Variants in NCOR2 observed in about 807,000 individuals in gnomAD.
The protein encoded by NCOR2 is CTG repeat protein 26.
A neutral mutation model predicts 262.9 loss-of-function variants in NCOR2; 81 were observed. The ratio of observed to expected loss-of-function variants is 0.31; its 90% CI spans 0.26 to 0.37. NCOR2 has a LOEUF of 0.37. NCOR2 is among the 10% of genes least tolerant of loss of function. NCOR2 has a pLI of 1.00. For missense variants in NCOR2, 3,385 were observed against 3,621.4 expected (o/e 0.93, Z 1.68); for synonymous variants, 1,659 against 1,559.3 (o/e 1.06, Z -1.51).
intron 13 of NCOR2, among the ~76,000 whole-genome samples, chr12:124,408,692 C>T (rs531114281): frequency 3.8e-4 from 58 of 151,968 alleles, no homozygotes; most frequent in Non-Finnish European, 6.0e-4. Context: ...AAGGCTGCAG[C>T]GAGCTTCAAC....
At chr12:124,412,327 G>A (rs998587063) in intron 13 of NCOR2, among the ~76,000 whole-genome samples, 2 of 152,274 alleles carry the variant, frequency 1.3e-5, no homozygotes, top group Admixed American at 1.3e-4. Context: ...AAGCACTTCA[G>A]ACAGGGCAGG....
Position 124,457,196 on chromosome 12 carries a change from T to C in NCOR2, c.706-34A>G. On this transcript the variant is annotated intron_variant, in intron 5 of 46. Transcript: ENST00000405201. This position sits in a 1 kb window ranked among gnomAD's most constrained non-coding sequence, Gnocchi z 4.0. ...TGATGGCGAAGAGGAGGAATTTTTT[T>C]AAAAAACAAAAAAACACAGATTATA... 1.3e-6 allele frequency: 2 copies of C among 1,535,590 alleles called. No homozygotes were observed. Among genetic ancestry groups the C allele is most frequent in the Non-Finnish European group, 1.7e-6 (2 of 1,151,282 alleles).
rs760866377 is a variant in NCOR2 at position 124,372,236 on chromosome 12, C to T, written c.2593G>A (p.Glu865Lys). The stretch of plus-strand genomic sequence containing the variant: ...CCCTCCTCGGCTTCCTCCGTGCACT[C>T]GCTCTTGACGGGCTCCTCGGCCTTC... Residue 865 changes from glutamate (E) to lysine (K), a missense_variant, in exon 20 of 47, where the codon GAG becomes AAG. Glu to Lys is a moderately conservative substitution (Grantham distance 56). Around this residue, in one of 5 missense-constraint regions of NCOR2, gnomAD observed 1,615 missense variants for 1,626.9 expected, o/e 0.99. Coordinates refer to ENST00000405201, the Ensembl canonical transcript of NCOR2. The T allele has an allele frequency of 2.5e-6, 4 of 1,595,846 alleles. No homozygotes were observed. In the East Asian group the frequency reaches 6.7e-5, roughly 27 times the overall value.
exon 36 of NCOR2, chr12:124,340,355 C>T (rs768235509): frequency 4.3e-6 from 7 of 1,612,924 alleles, no homozygotes; most frequent in Non-Finnish European, 5.1e-6. Flanking sequence ...ACTTTTCCCG[C>T]TCCCGATCCC....
chr12:124,497,456 C>T (rs182681685), upstream of NCOR2, among the ~76,000 whole-genome samples: 44 of 151,984 alleles, frequency 2.9e-4, no homozygotes, highest in Non-Finnish European at 5.6e-4. The surrounding 1 kb of genome is among the most constrained non-coding windows in gnomAD (Gnocchi z 4.2). Flanking sequence ...GCCACCCCCG[C>T]GTAGGGACTT....
intron 8 of NCOR2, among the ~76,000 whole-genome samples, chr12:124,437,102 TA>T (rs1328259383): frequency 6.6e-6 from 1 of 151,586 alleles, no homozygotes; most frequent in Non-Finnish European, 1.5e-5. Flanking sequence ...AAATAATAAA[TA>T]AATAAACAAA....
chr12:124,553,094 G>A (rs956646991), intron 1 of NCOR2, among the ~76,000 whole-genome samples: 1 of 152,222 alleles, frequency 6.6e-6, no homozygotes, highest in African/African-American at 2.4e-5. Flanking sequence ...GACTCTAGGG[G>A]AGAACCTGTC....
chr12:124,506,466 C>G (rs2136989420), intron 1 of NCOR2, among the ~76,000 whole-genome samples: 1 of 152,258 alleles, frequency 6.6e-6, no homozygotes, highest in East Asian at 1.9e-4. Flanking sequence ...CTCAAAATCA[C>G]TTCCTCCTCC....
Position 124,400,489 on chromosome 12 carries a change from C to A in NCOR2, c.1813+12G>T, listed in dbSNP as rs766735306. The A allele has an allele frequency of 3.1e-6, 5 of 1,608,254 alleles. No homozygotes were observed. On this transcript the variant is annotated intron_variant, in intron 15 of 46. Coordinates refer to ENST00000405201, the Ensembl canonical transcript of NCOR2. ...GCCCCTTCCCCACCCGCATCCCTGG[C>A]CCCCAGCTCACCCAGCTCGGCGCTC... is the stretch of plus-strand genomic sequence containing the variant.
rs2041793694 is a variant in NCOR2, at chr12:124,398,097, A to T, written c.1876+22T>A. 4 of 1,614,016 alleles carry T rather than the reference A, an allele frequency of 2.5e-6. No homozygotes were observed. In the African/African-American group the frequency reaches 5.3e-5, roughly 22 times the overall value. ...CCCTGGATGCAAACCAACAAGGCTT[A>T]AAGCCGCCACACACCCCTCACCTTT... On this transcript the variant is annotated intron_variant, in intron 16 of 46. Coordinates refer to ENST00000405201, the Ensembl canonical transcript of NCOR2.
In NCOR2 at chr12:124,424,329, C is replaced by T. The variant is rs374742690; in HGVS notation, c.1329-1774G>A. ...CCGTGACCGTCCCACCATCACCTCCCTCGTTCAAAACTGTAAGAAGCATTC... is the reference window on the plus strand; with the variant it reads ...CCGTGACCGTCCCACCATCACCTCCTTCGTTCAAAACTGTAAGAAGCATTC... On this transcript the variant is annotated intron_variant, in intron 11 of 46. Transcript: ENST00000405201. 6.0e-4 allele frequency among the ~76,000 whole-genome samples: 91 copies of T among 152,282 alleles called. 1 individual carries two copies. Among genetic ancestry groups the T allele is most frequent in the African/African-American group, 1.9e-3 (80 of 41,558 alleles).
At chr12:124,460,544 T>C (rs2046111454) in intron 5 of NCOR2, among the ~76,000 whole-genome samples, 1 of 152,202 alleles carries the variant, frequency 6.6e-6, no homozygotes, top group East Asian at 1.9e-4. Context: ...CGGATGTGCC[T>C]GGCCTTTCCA....
At chr12:124,338,389 C>T (rs73419839) in intron 37 of NCOR2, among the ~76,000 whole-genome samples, 49,311 of 151,530 alleles carry the variant, frequency 0.33, 9,152 homozygotes, top group East Asian at 0.54. Context: ...GTGCCTGTAA[C>T]TGCAGCTACT....
At position 124,372,022 on chromosome 12, in the gene NCOR2, C is replaced by T; in HGVS notation, c.2807G>A (p.Arg936Gln). 1.3e-6 allele frequency: 2 copies of T among 1,585,096 alleles called. No individual in the cohort carries two copies. Among genetic ancestry groups the T allele is most frequent in the Non-Finnish European group, 1.7e-6 (2 of 1,167,320 alleles). Residue 936 changes from arginine to glutamine, a missense_variant and splice_region_variant, in exon 20 of 47, where the codon CGG (arginine) becomes CAG (glutamine). By Grantham distance (43) the Arg-to-Gln change is conservative. This residue lies in a region of NCOR2 where 1,615 missense variants were observed against 1,626.9 expected (regional missense o/e 0.99). Coordinates refer to ENST00000405201, the Ensembl canonical transcript of NCOR2. Reference sequence around the variant, plus strand: ...TTAGGGCTGCCTGGCGCCCACTCACCGGTTCTTGTCGCCGCCCTCGGCCTC... The same window carrying T: ...TTAGGGCTGCCTGGCGCCCACTCACTGGTTCTTGTCGCCGCCCTCGGCCTC...
upstream of NCOR2, among the ~76,000 whole-genome samples, chr12:124,499,944 G>C (rs2048605334): frequency 6.6e-6 from 1 of 152,132 alleles, no homozygotes; most frequent in Non-Finnish European, 1.5e-5. Context: ...GCAGGTGGAT[G>C]AAAGTCAGGA....
exon 41 of NCOR2, chr12:124,334,450 G>T: frequency 6.7e-7 from 1 of 1,499,360 alleles, no homozygotes; most frequent in Non-Finnish European, 8.9e-7. Context: ...TGTGGGGGGA[G>T]CCACGGGCCG....
At chr12:124,426,903 G>T in intron 10 of NCOR2, 103 bp from the exon 13 acceptor site, 1 of 1,161,292 alleles carries the variant, frequency 8.6e-7, no homozygotes, top group Non-Finnish European at 1.2e-6. Context: ...GTCTGCGCCA[G>T]AGCAGGGAAA....
chr12:124,337,497 C>T (rs1160733010), intron 37 of NCOR2, among the ~76,000 whole-genome samples: 1 of 152,220 alleles, frequency 6.6e-6, no homozygotes, highest in African/African-American at 2.4e-5. Context: ...AGAAAACAGA[C>T]TACGATCACA....
At position 124,483,731 on chromosome 12, in the gene NCOR2, C is replaced by A. The variant is rs1844208800; in HGVS notation, c.276G>T (p.Leu92=). Residue 92 remains leucine, a synonymous_variant, in exon 3 of 47, where the codon CTG becomes CTT. Transcript: ENST00000405201. The surrounding 1 kb of genome is among the most constrained non-coding windows in gnomAD (Gnocchi z 6.3). ...CCATCTCTGACTTCCCCAGCTCGGG[C>A]AGGTATGAGTGGGACTCTGGCCGCA... 6.2e-7 allele frequency: 1 copy of A among 1,611,072 alleles called. No individual in the cohort carries two copies. The highest frequency in any genetic ancestry group is 8.5e-7 in the Non-Finnish European group (1 of 1,178,612).
Sources: gnomAD v4.1 joint callset for allele counts (sites outside exome capture counted in the v4.1 genomes callset) on GRCh38, gnomAD v4.1.1 for gene constraint, gnomAD v4.1.1 regional missense constraint, Gnocchi (gnomAD v3.1) non-coding constraint, MANE v1.5 for transcripts, NCBI Gene and HGNC (gene_info 2026-07-23, HGNC 2026-07-21) for gene names.